Variants in GPR26 observed in about 807,000 individuals in gnomAD.
The protein encoded by GPR26 is G protein-coupled receptor 26.
In GPR26, 15 loss-of-function variants were observed where a neutral mutation model predicts 23.1. The observed-to-expected ratio is 0.65, with a 90% CI of 0.43 to 1.00. The LOEUF (loss-of-function observed/expected upper bound fraction) is 1.00. Ranked by LOEUF, GPR26 falls within the 50% of genes least tolerant of loss-of-function variation. The pLI is 0.00. For synonymous variants in GPR26, 228 were observed against 222.1 expected (o/e 1.03, Z -0.24); for missense variants, 359 against 470.5 (o/e 0.76, Z 2.19).
Position 123,693,524 on chromosome 10 carries a change from G to A in GPR26, c.*5364G>A, listed in dbSNP as rs1350479965. 3 of 152,322 alleles carry A rather than the reference G, an allele frequency of 2.0e-5. No individual in the cohort carries two copies. The highest frequency in any genetic ancestry group is 2.9e-5 in the Non-Finnish European group (2 of 68,146). 9.4% of individuals were successfully genotyped at this position (152,322 alleles called of 1,614,324 possible). ...CTACGGTCTGTTCTTGCAGATTCAGGAGAGAAAGTGGTATGAGAGCAGTGT... is the reference window on the plus strand; with the variant it reads ...CTACGGTCTGTTCTTGCAGATTCAGAAGAGAAAGTGGTATGAGAGCAGTGT... On this transcript the variant is annotated 3_prime_UTR_variant, in exon 3 of 3. Coordinates refer to ENST00000284674, the MANE Select transcript of GPR26 (RefSeq NM_153442.4).
rs1220521350 is a variant in GPR26, at chr10:123,696,629, A to T, written c.*8469A>T. ...AAAGATATTTCTTTCCTGGGGACAA[A>T]GTGACCTGCAAATGATTGGCTTCTG... On this transcript the variant is annotated 3_prime_UTR_variant, in exon 3 of 3. Transcript: ENST00000284674. 3.3e-5 allele frequency among the ~76,000 whole-genome samples: 5 copies of T among 152,240 alleles called. No individual in the cohort carries two copies. Among genetic ancestry groups the T allele is most frequent in the Non-Finnish European group, 7.3e-5 (5 of 68,040 alleles).
chr10:123,677,342 G>C (rs1347291178), intron 2 of GPR26, among the ~76,000 whole-genome samples: 8 of 152,112 alleles, frequency 5.3e-5, no homozygotes, highest in Non-Finnish European at 7.3e-5. Flanking sequence ...TCCTCCATGG[G>C]GATGAGCAGC....
In GPR26 at chr10:123,674,931, G is replaced by T. The variant is rs1197116863; in HGVS notation, c.782G>T (p.Arg261Met). 6.3e-7 allele frequency: 1 copy of T among 1,590,310 alleles called. No homozygotes were observed. The highest frequency in any genetic ancestry group is 8.6e-7 in the Non-Finnish European group (1 of 1,159,460). The change falls in exon 2 of 3, where the codon AGG (arginine) becomes ATG (methionine). Residue 261 changes from arginine to methionine, a missense_variant and splice_region_variant. By Grantham distance (91) the Arg-to-Met change is moderately conservative. Transcript: ENST00000284674. This position sits in a 1 kb window ranked among gnomAD's most constrained non-coding sequence, Gnocchi z 4.1. ...LVCFAPYVIT[R>M]LVELFSTVPI... ...TGCTTCGCGCCCTATGTGATCACCA[G>T]GTGAGCCTGATTGGCAGGTGTGTCT...
At chr10:123,684,324 T>C (rs183205811) in intron 2 of GPR26, among the ~76,000 whole-genome samples, 286 of 152,216 alleles carry the variant, frequency 1.9e-3, no homozygotes, top group African/African-American at 6.1e-3. Context: ...GGGTTGACCT[T>C]GGCATACACG....
At position 123,666,527 on chromosome 10, in the gene GPR26, G is replaced by T. The variant is rs1459561206; in HGVS notation, c.120G>T (p.Ala40=). The part of the protein sequence containing the change: ...LLHSADIRRQ[A]PALFTLNLTC... Reference sequence around the variant, plus strand: ...ACAGCGCGGACATCCGCCGCCAGGCGCCGGCGCTCTTCACCCTGAACCTCA... The same window carrying T: ...ACAGCGCGGACATCCGCCGCCAGGCTCCGGCGCTCTTCACCCTGAACCTCA... The change falls in exon 1 of 3, where the codon GCG becomes GCT. Residue 40 remains alanine, a synonymous_variant. Coordinates refer to ENST00000284674, the MANE Select transcript of GPR26 (RefSeq NM_153442.4). 1 of 1,585,896 alleles carries T rather than the reference G, an allele frequency of 6.3e-7. No homozygotes were observed. Among genetic ancestry groups the T allele is most frequent in the East Asian group, 2.3e-5 (1 of 43,324 alleles).
Position 123,690,590 on chromosome 10 carries a change from T to C in GPR26, c.*2430T>C, listed in dbSNP as rs990583871. ...ACCTCTAAAACCAATTGTACCGACA[T>C]CACGTAGACAAAAACTCCAGATAAA... On this transcript the variant is annotated 3_prime_UTR_variant, in exon 3 of 3. Coordinates refer to ENST00000284674, the MANE Select transcript of GPR26 (RefSeq NM_153442.4). 10 of 152,162 alleles carry C rather than the reference T, an allele frequency of 6.6e-5. No homozygotes were observed. The highest frequency in any genetic ancestry group is 1.9e-4 in the African/African-American group (8 of 41,438). 9.4% of individuals were successfully genotyped at this position (152,162 alleles called of 1,614,324 possible). A position where few individuals can be genotyped will look rare whatever the true frequency, so the allele number is the denominator to read the frequency against.
chr10:123,680,563 C>T (rs2133927923), intron 2 of GPR26, among the ~76,000 whole-genome samples: 1 of 152,332 alleles, frequency 6.6e-6, no homozygotes, highest in African/African-American at 2.4e-5. Context: ...CCCTTGCATG[C>T]AGCACCTCCT....
At position 123,688,157 on chromosome 10, in the gene GPR26, G is replaced by C; in HGVS notation, c.1011G>C (p.Glu337Asp). 1 of 1,530,012 alleles carries C rather than the reference G, an allele frequency of 6.5e-7. No individual in the cohort carries two copies. The highest frequency in any genetic ancestry group is 8.9e-7 in the Non-Finnish European group (1 of 1,125,324). The allele number at this position is 1,530,012 out of a possible 1,614,324, so 94.8% of individuals were successfully genotyped here. The change falls in exon 3 of 3, where the codon GAG becomes GAC. Residue 337 changes from glutamate to aspartate, a missense_variant. Transcript: ENST00000284674. The part of the protein sequence containing the change: ...SHSQNILPVS[E>D] ...GCCAGAACATTCTGCCGGTGTCTGA[G>C]TGAAGGACCGCGCTCCTGCTGAAGA...
At chr10:123,686,450 G>A (rs532014676) in intron 2 of GPR26, among the ~76,000 whole-genome samples, 2 of 152,258 alleles carry the variant, frequency 1.3e-5, no homozygotes, top group African/African-American at 4.8e-5. Context: ...TCCCCCACAG[G>A]GTCAGAGGGC....
chr10:123,678,776 G>A (rs1845335991), intron 2 of GPR26, among the ~76,000 whole-genome samples: 2 of 152,336 alleles, frequency 1.3e-5, no homozygotes, highest in African/African-American at 2.4e-5. Flanking sequence ...GTGCGGCCAG[G>A]ACCCCATCAG....
rs200665003 is a variant in GPR26 at position 123,666,524 on chromosome 10, G to A, written c.117G>A (p.Gln39=). The A allele has an allele frequency of 1.9e-6, 3 of 1,584,374 alleles. No homozygotes were observed. The East Asian group carries it at 6.9e-5, about 37-fold the overall frequency. The change falls in exon 1 of 3, where the codon CAG becomes CAA. Residue 39 remains glutamine (Q), a synonymous_variant. Transcript: ENST00000284674. ...CLLHSADIRR[Q]APALFTLNLT... ...TGCACAGCGCGGACATCCGCCGCCA[G>A]GCGCCGGCGCTCTTCACCCTGAACC...
intron 2 of GPR26, among the ~76,000 whole-genome samples, chr10:123,679,609 C>T (rs1230101012): frequency 7.2e-6 from 1 of 139,046 alleles, no homozygotes; most frequent in Non-Finnish European, 1.6e-5. Context: ...GAACTGAGGA[C>T]TGGGGTCAGG....
Position 123,675,021 on chromosome 10 carries a change from C to T in GPR26, c.782+90C>T, listed in dbSNP as rs35742446. 169 of 759,746 alleles carry T rather than the reference C, an allele frequency of 2.2e-4. No individual in the cohort carries two copies. In the African/African-American group the frequency reaches 2.3e-3, roughly 10 times the overall value. 47.1% of individuals were successfully genotyped at this position (759,746 alleles called of 1,614,324 possible). A position where few individuals can be genotyped will look rare whatever the true frequency, so the allele number is the denominator to read the frequency against. ...GCAGTGGCAGCCTCTCTTGGCCACA[C>T]GTTCTTCTGCACGGTGTGTTGTGGG... is the stretch of plus-strand genomic sequence containing the variant. On this transcript the variant is annotated intron_variant, in intron 2 of 2. Coordinates refer to ENST00000284674, the MANE Select transcript of GPR26 (RefSeq NM_153442.4).
intron 2 of GPR26, among the ~76,000 whole-genome samples, chr10:123,685,963 G>A (rs1051868729): frequency 1.3e-5 from 2 of 152,224 alleles, no homozygotes; most frequent in African/African-American, 2.4e-5. Flanking sequence ...TGGGAATTAC[G>A]ATGTCTGAGC....
Position 123,688,415 on chromosome 10 carries a change from C to T in GPR26, c.*255C>T, listed in dbSNP as rs191720262. ...TTTCTTTCTAAGAAGCTGCTTTGAGCTCCTGGACTCACCTGAGGCTCCCTG... is the reference window on the plus strand; with the variant it reads ...TTTCTTTCTAAGAAGCTGCTTTGAGTTCCTGGACTCACCTGAGGCTCCCTG... On this transcript the variant is annotated 3_prime_UTR_variant, in exon 3 of 3. Coordinates refer to ENST00000284674, the MANE Select transcript of GPR26 (RefSeq NM_153442.4). 1.6e-5 allele frequency: 8 copies of T among 497,376 alleles called. No individual in the cohort carries two copies. The highest frequency in any genetic ancestry group is 1.5e-5 in the Non-Finnish European group (4 of 272,664). 30.8% of individuals were successfully genotyped at this position (497,376 alleles called of 1,614,324 possible). A position where few individuals can be genotyped will look rare whatever the true frequency, so the allele number is the denominator to read the frequency against.
rs1295493379 is a variant in GPR26 at position 123,696,053 on chromosome 10, T to A, written c.*7893T>A. Reference sequence around the variant, plus strand: ...CAGATTTAATTTTCACAGGCTCATCTGGGAGAAGGATCAAATCCTGCCATC... The same window carrying A: ...CAGATTTAATTTTCACAGGCTCATCAGGGAGAAGGATCAAATCCTGCCATC... On this transcript the variant is annotated 3_prime_UTR_variant, in exon 3 of 3. Coordinates refer to ENST00000284674, the MANE Select transcript of GPR26 (RefSeq NM_153442.4). Among the ~76,000 whole-genome samples the A allele has an allele frequency of 1.3e-5, 2 of 152,224 alleles. No homozygotes were observed. Among genetic ancestry groups the A allele is most frequent in the Admixed American group, 6.5e-5 (1 of 15,276 alleles).
chr10:123,671,395 C>A (rs1415667265), intron 1 of GPR26, among the ~76,000 whole-genome samples: 1 of 152,138 alleles, frequency 6.6e-6, no homozygotes, highest in African/African-American at 2.4e-5. Flanking sequence ...GGACCTCTCC[C>A]CTCCCCCGCT....
At position 123,666,359 on chromosome 10, in the gene GPR26, A is replaced by T. The variant is rs1845181845; in HGVS notation, c.-49A>T. On this transcript the variant is annotated 5_prime_UTR_variant, in exon 1 of 3. The change abolishes an upstream ATG in the 5' untranslated region. Transcript: ENST00000284674. ...GGCTGAGCCGGCCGCGGGCAGCGCC[A>T]TGGCGGCGCCGGGTTGCGGACCCTG... The T allele has an allele frequency of 8.2e-7, 1 of 1,226,318 alleles. No homozygotes were observed. 76.0% of individuals were successfully genotyped at this position (1,226,318 alleles called of 1,614,324 possible).
intron 2 of GPR26, among the ~76,000 whole-genome samples, chr10:123,679,314 C>T (rs1422313454): frequency 6.6e-6 from 1 of 152,082 alleles, no homozygotes; most frequent in Non-Finnish European, 1.5e-5. Flanking sequence ...GTGTTGAAAG[C>T]AATGCTGAAG....
Sources: gnomAD v4.1 joint callset for allele counts (sites outside exome capture counted in the v4.1 genomes callset) on GRCh38, gnomAD v4.1.1 for gene constraint, Gnocchi (gnomAD v3.1) non-coding constraint, MANE v1.5 for transcripts, NCBI Gene and HGNC (gene_info 2026-07-23, HGNC 2026-07-21) for gene names.